FRYL: variants seen among roughly 807,000 people sequenced by gnomAD.
The protein encoded by FRYL is protein furry homolog-like.
In FRYL, 150 loss-of-function variants were observed where a neutral mutation model predicts 351.2. The observed-to-expected ratio is 0.43, with a 90% CI of 0.37 to 0.49. FRYL has a LOEUF of 0.49. Ranked by LOEUF, FRYL falls within the 20% of genes least tolerant of loss-of-function variation. The probability of loss-of-function intolerance (pLI) is 0.00; values close to 1 mark genes in which losing one functional copy is unlikely to be tolerated. For synonymous variants in FRYL, 1,153 were observed against 1,257.1 expected, an observed-to-expected ratio of 0.92 and a Z score of 1.75; for missense variants, 3,036 against 3,619.3, an observed-to-expected ratio of 0.84 and a Z score of 4.13.
chr4:48,520,366 C>G (rs2148822053), intron 55 of FRYL, among the ~76,000 whole-genome samples: 1 of 152,116 alleles, frequency 6.6e-6, no homozygotes, highest in East Asian at 1.9e-4. Flanking sequence ...GATCTGATAC[C>G]TAGATTAGAT....
rs1369568956 is a variant in FRYL at position 48,632,106 on chromosome 4, ATATATATATAT to A, written c.120+2174_120+2184del. On this transcript the variant is annotated intron_variant, in intron 4 of 63. Coordinates refer to ENST00000358350, the MANE Select transcript of FRYL (RefSeq NM_015030.2). Reference sequence around the variant, plus strand: ...AAAAAAAAAAAATATATATATATATATATATATATATATATATATATATGCGCACACAAAAT... The same window carrying A: ...AAAAAAAAAAAATATATATATATATAATATATATATATGCGCACACAAAAT... 1.5e-4 allele frequency among the ~76,000 whole-genome samples: 9 copies of A among 58,170 alleles called. 1 individual carries two copies. The South Asian group carries it at 2.3e-3, about 15-fold the overall frequency. 38.2% of individuals were successfully genotyped at this position (58,170 alleles called of 152,430 possible). A position where few individuals can be genotyped will look rare whatever the true frequency, so the allele number is the denominator to read the frequency against.
intron 1 of FRYL, among the ~76,000 whole-genome samples, chr4:48,771,155 G>GA (rs1195554285): frequency 6.6e-6 from 1 of 151,948 alleles, no homozygotes; most frequent in Non-Finnish European, 1.5e-5. Flanking sequence ...GTGAAACAAT[G>GA]AAAAAATGCA....
At chr4:48,647,593 T>C (rs1291574376) in intron 3 of FRYL, among the ~76,000 whole-genome samples, 2 of 152,194 alleles carry the variant, frequency 1.3e-5, no homozygotes, top group Non-Finnish European at 2.9e-5. Flanking sequence ...CAACACTAAC[T>C]GTTTAGTCTC....
At chr4:48,578,002 CA>C (rs1468419678) in intron 23 of FRYL, among the ~76,000 whole-genome samples, 1 of 149,542 alleles carries the variant, frequency 6.7e-6, no homozygotes, top group East Asian at 2.0e-4. Flanking sequence ...TATTCAAATC[CA>C]AAAGTAAGAA....
intron 31 of FRYL, 137 bp from the exon 32 acceptor site, chr4:48,563,125 G>T: frequency 1.8e-6 from 1 of 569,178 alleles, no homozygotes; most frequent in Non-Finnish European, 3.2e-6. Flanking sequence ...TTTTTTCAAG[G>T]CAATAGGTAC....
At chr4:48,502,621 G>A (rs1171282746) in intron 61 of FRYL, among the ~76,000 whole-genome samples, 8 of 151,914 alleles carry the variant, frequency 5.3e-5, no homozygotes, top group Admixed American at 2.0e-4. Flanking sequence ...TAAGAAAAAG[G>A]TGACTGCTAA....
intron 1 of FRYL, among the ~76,000 whole-genome samples, chr4:48,742,155 TTGC>T (rs1772157322): frequency 2.0e-5 from 3 of 152,248 alleles, no homozygotes; most frequent in Non-Finnish European, 4.4e-5. Flanking sequence ...CCTCTCAATT[TTGC>T]TGTGAACCTG....
chr4:48,653,039 G>C (rs1758051823), intron 3 of FRYL, among the ~76,000 whole-genome samples: 1 of 152,136 alleles, frequency 6.6e-6, no homozygotes, highest in Non-Finnish European at 1.5e-5. Flanking sequence ...AGTGTTTTGA[G>C]ATCTTTAAAG....
chr4:48,689,843 T>C (rs1221993240), intron 2 of FRYL, among the ~76,000 whole-genome samples: 3 of 152,008 alleles, frequency 2.0e-5, no homozygotes, highest in Non-Finnish European at 2.9e-5. Flanking sequence ...ATCCTCCTTA[T>C]ACTTATTTTC....
chr4:48,587,970 C>T (rs1300654395), intron 18 of FRYL, among the ~76,000 whole-genome samples: 1 of 152,120 alleles, frequency 6.6e-6, no homozygotes, highest in African/African-American at 2.4e-5. Flanking sequence ...ATACCAGTCC[C>T]CAAAAAGGCA....
intron 28 of FRYL, among the ~76,000 whole-genome samples, chr4:48,565,971 G>A (rs1736689303): frequency 6.6e-6 from 1 of 152,200 alleles, no homozygotes; most frequent in Non-Finnish European, 1.5e-5. Flanking sequence ...GGCTGGCACA[G>A]AGGTGGGGCC....
chr4:48,553,855 T>C (rs1311683657), intron 35 of FRYL, among the ~76,000 whole-genome samples: 1 of 152,098 alleles, frequency 6.6e-6, no homozygotes, highest in Non-Finnish European at 1.5e-5. Flanking sequence ...TAGAACTAAA[T>C]TAGAACTCCA....
At chr4:48,754,424 G>A (rs1052756405) in intron 1 of FRYL, among the ~76,000 whole-genome samples, 5 of 152,088 alleles carry the variant, frequency 3.3e-5, no homozygotes, top group East Asian at 1.9e-4. Flanking sequence ...TTTAGCTAAC[G>A]TAAATAAGGG....
At chr4:48,557,820 A>C in intron 33 of FRYL, 108 bp from the exon 34 acceptor site, 2 of 1,231,304 alleles carry the variant, frequency 1.6e-6, no homozygotes, top group Non-Finnish European at 2.2e-6. Context: ...TTTACTCATT[A>C]CACTTAACAA....
intron 1 of FRYL, among the ~76,000 whole-genome samples, chr4:48,753,804 T>C (rs1235252153): frequency 6.6e-6 from 1 of 152,356 alleles, no homozygotes; most frequent in Middle Eastern, 3.4e-3. Flanking sequence ...TTCATTTTTA[T>C]GTATGGTATG....
rs1718880957 is a variant in FRYL, at chr4:48,498,564, ACATAAG to A, written c.*852_*857del. 1 of 152,678 alleles carries A rather than the reference ACATAAG, an allele frequency of 6.5e-6. No individual in the cohort carries two copies. The highest frequency in any genetic ancestry group is 1.5e-5 in the Non-Finnish European group (1 of 68,046). The allele number at this position is 152,678 out of a possible 1,614,324, so 9.5% of individuals were successfully genotyped here. On this transcript the variant is annotated 3_prime_UTR_variant, in exon 64 of 64. Transcript: ENST00000358350. ...CTTTGGTTAGTTATCAACAATCATA[ACATAAG>A]CACTGATCAGAGAACTGAGCAGCAT...
chr4:48,583,597 C>T (rs1359792558), intron 19 of FRYL, among the ~76,000 whole-genome samples: 1 of 150,664 alleles, frequency 6.6e-6, no homozygotes, highest in African/African-American at 2.4e-5. Context: ...ATAAATGGTA[C>T]ATGCCTAGAA....
At chr4:48,625,816 T>C (rs1215486306) in intron 4 of FRYL, among the ~76,000 whole-genome samples, 1 of 152,166 alleles carries the variant, frequency 6.6e-6, no homozygotes, top group African/African-American at 2.4e-5. Context: ...GTTCTCAATA[T>C]ATGAGTTAAA....
intron 25 of FRYL, among the ~76,000 whole-genome samples, chr4:48,573,919 T>A (rs1289384146): frequency 6.6e-6 from 1 of 152,176 alleles, no homozygotes; most frequent in African/African-American, 2.4e-5. Flanking sequence ...TATTCGAACA[T>A]AGGGTGGGGT....
Sources: allele counts gnomAD v4.1 joint callset (sites outside exome capture counted in the v4.1 genomes callset), GRCh38; gene constraint gnomAD v4.1.1; transcripts MANE v1.5; gene names NCBI Gene and HGNC (gene_info 2026-07-23, HGNC 2026-07-21).